HIBADH: variants seen among roughly 807,000 people sequenced by gnomAD.
HIBADH encodes the protein 3-hydroxyisobutyrate dehydrogenase.
A neutral mutation model predicts 36.1 loss-of-function variants in HIBADH; 25 were observed. That is an observed-to-expected ratio of 0.69 (90% confidence interval 0.50 to 0.97). The LOEUF is 0.97. HIBADH is among the 50% of genes least tolerant of loss of function. The pLI, the probability that HIBADH is intolerant of heterozygous loss-of-function variation, is 0.00. For missense variants in HIBADH, 421 were observed against 418.0 expected (o/e 1.01, Z -0.06); for synonymous variants, 160 against 149.5 (o/e 1.07, Z -0.51).
At chr7:27,635,937 C>CA (rs1342665102) in intron 2 of HIBADH, among the ~76,000 whole-genome samples, 2 of 152,154 alleles carry the variant, frequency 1.3e-5, no homozygotes, top group African/African-American at 4.8e-5. Flanking sequence ...TTCTTGCAGC[C>CA]AATTTCTCTG....
At chr7:27,602,825 CCTA>C (rs1217964144) in intron 4 of HIBADH, among the ~76,000 whole-genome samples, 1 of 152,104 alleles carries the variant, frequency 6.6e-6, no homozygotes, top group Non-Finnish European at 1.5e-5. Context: ...TTTACTCTTT[CCTA>C]CTATGTTTCG....
At chr7:27,561,914 T>C (rs1400937098) in intron 4 of HIBADH, among the ~76,000 whole-genome samples, 1 of 152,166 alleles carries the variant, frequency 6.6e-6, no homozygotes, top group Non-Finnish European at 1.5e-5. Flanking sequence ...ACCCATTTAT[T>C]AGATATTAGT....
intron 4 of HIBADH, among the ~76,000 whole-genome samples, chr7:27,580,062 C>T (rs1784767184): frequency 6.6e-6 from 1 of 152,132 alleles, no homozygotes; most frequent in Admixed American, 6.5e-5. Flanking sequence ...AGATATAGAA[C>T]TAAATTAAAA....
rs570663227 is a variant in HIBADH, at chr7:27,626,224, C to T, written c.484+3147G>A. ...GCCAGTATCAAAACATTTCATCTAC[C>T]CTTTAAGTATATACACCTATTATAT... On this transcript the variant is annotated intron_variant, in intron 4 of 7. Coordinates refer to ENST00000265395, the MANE Select transcript of HIBADH (RefSeq NM_152740.4). Among the ~76,000 whole-genome samples, 3 of 151,232 alleles carry T rather than the reference C, an allele frequency of 2.0e-5. No individual in the cohort carries two copies. The South Asian group carries it at 6.3e-4, about 32-fold the overall frequency.
chr7:27,651,346 ATACACTGGTATAATAG>A (rs11274075), intron 1 of HIBADH, among the ~76,000 whole-genome samples: 119,887 of 151,498 alleles, frequency 0.79, 47,835 homozygotes, highest in East Asian at 0.97. Flanking sequence ...GCTAAGTTTA[ATACACTGGTATAATAG>A]TACACTGGTA....
At chr7:27,579,104 T>C (rs1458646693) in intron 4 of HIBADH, among the ~76,000 whole-genome samples, 1 of 152,180 alleles carries the variant, frequency 6.6e-6, no homozygotes, top group Non-Finnish European at 1.5e-5. Context: ...TATTAGATGC[T>C]GGATCAAAGA....
intron 1 of HIBADH, among the ~76,000 whole-genome samples, chr7:27,660,808 T>C (rs1562664830): frequency 6.6e-6 from 1 of 152,288 alleles, no homozygotes; most frequent in East Asian, 1.9e-4. Context: ...CAAGACCATA[T>C]GCCAAAGTAG....
At chr7:27,594,172 T>G (rs1784990749) in intron 4 of HIBADH, among the ~76,000 whole-genome samples, 2 of 146,414 alleles carry the variant, frequency 1.4e-5, no homozygotes, top group South Asian at 2.2e-4. Context: ...TGAAACAGAG[T>G]TTCGCTCGTT....
intron 1 of HIBADH, among the ~76,000 whole-genome samples, chr7:27,661,892 T>C (rs1158919096): frequency 2.0e-5 from 3 of 152,108 alleles, no homozygotes; most frequent in African/African-American, 7.2e-5. Context: ...ATATCCTGAT[T>C]CACTCATCCA....
chr7:27,536,452 T>C (rs916940022), intron 6 of HIBADH, among the ~76,000 whole-genome samples: 1 of 152,064 alleles, frequency 6.6e-6, no homozygotes, highest in Non-Finnish European at 1.5e-5. Context: ...GATTTAAAAG[T>C]TTCATATTTC....
chr7:27,548,712 G>A (rs1407912485), intron 4 of HIBADH, among the ~76,000 whole-genome samples: 3 of 152,070 alleles, frequency 2.0e-5, no homozygotes, highest in African/African-American at 7.2e-5. Context: ...CCTAGTCTTT[G>A]CACTCAAAAA....
chr7:27,632,028 T>C (rs1210481265), intron 3 of HIBADH, among the ~76,000 whole-genome samples: 1 of 152,208 alleles, frequency 6.6e-6, no homozygotes, highest in Non-Finnish European at 1.5e-5. Flanking sequence ...AATTATATTA[T>C]TAACAGTTGC....
intron 4 of HIBADH, among the ~76,000 whole-genome samples, chr7:27,612,275 G>A (rs977206288): frequency 5.3e-5 from 8 of 151,358 alleles, no homozygotes; most frequent in African/African-American, 1.9e-4. Context: ...GTTGAAGAAA[G>A]AAATGCAGAC....
intron 1 of HIBADH, among the ~76,000 whole-genome samples, chr7:27,656,065 T>C (rs1786298228): frequency 6.6e-6 from 1 of 152,202 alleles, no homozygotes; most frequent in Non-Finnish European, 1.5e-5. Context: ...CAGCCAACTT[T>C]GTCTTAAAGA....
chr7:27,578,274 T>C (rs929905155), intron 4 of HIBADH, among the ~76,000 whole-genome samples: 17 of 152,170 alleles, frequency 1.1e-4, no homozygotes, highest in Non-Finnish European at 7.4e-5. Flanking sequence ...TATTGTACAT[T>C]AGGGTTACAG....
At chr7:27,594,642 C>T (rs1785000674) in intron 4 of HIBADH, among the ~76,000 whole-genome samples, 2 of 151,888 alleles carry the variant, frequency 1.3e-5, no homozygotes, top group South Asian at 2.1e-4. Flanking sequence ...CTCTTTGGAA[C>T]AATAAACAAG....
chr7:27,561,151 G>A (rs1437593541), intron 4 of HIBADH, among the ~76,000 whole-genome samples: 1 of 152,052 alleles, frequency 6.6e-6, no homozygotes, highest in Admixed American at 6.5e-5. Context: ...TTTAAACTGG[G>A]TTATTCACTT....
chr7:27,529,153 A>G (rs1016820421), intron 7 of HIBADH, among the ~76,000 whole-genome samples: 1 of 152,240 alleles, frequency 6.6e-6, no homozygotes, highest in African/African-American at 2.4e-5. Flanking sequence ...GCTCACTGAC[A>G]GTACACGTGG....
intron 2 of HIBADH, among the ~76,000 whole-genome samples, chr7:27,643,038 C>T (rs999047074): frequency 1.3e-5 from 2 of 152,206 alleles, no homozygotes; most frequent in African/African-American, 4.8e-5. Context: ...TGACCTTTTA[C>T]TTTTTCTTTA....
Sources: gnomAD v4.1 joint callset for allele counts (sites outside exome capture counted in the v4.1 genomes callset) on GRCh38, gnomAD v4.1.1 for gene constraint, MANE v1.5 for transcripts, NCBI Gene and HGNC (gene_info 2026-07-23, HGNC 2026-07-21) for gene names.